RMDN2: variants seen among roughly 807,000 people sequenced by gnomAD.
The protein encoded by RMDN2 is regulator of microtubule dynamics protein 2.
A neutral mutation model predicts 52.8 loss-of-function variants in RMDN2; 61 were observed. The observed-to-expected ratio is 1.16, with a 90% confidence interval of 0.94 to 1.43. The LOEUF (loss-of-function observed/expected upper bound fraction) is 1.43. Among genes scored for constraint, RMDN2 ranks in the 40% most tolerant of loss-of-function variants. The probability of loss-of-function intolerance (pLI) is 0.00; values close to 1 mark genes in which losing one functional copy is unlikely to be tolerated. For missense variants in RMDN2, 592 were observed against 475.3 expected (o/e 1.25, Z -2.28); for synonymous variants, 180 against 153.1 (o/e 1.18, Z -1.30).
chr2:38,060,645 A>T (rs1682008180), intron 10 of RMDN2, among the ~76,000 whole-genome samples: 1 of 152,188 alleles, frequency 6.6e-6, no homozygotes, highest in East Asian at 1.9e-4. Flanking sequence ...CCTGGGATTC[A>T]CAAACATCCA....
chr2:37,965,899 G>A (rs1670977441), intron 2 of RMDN2, among the ~76,000 whole-genome samples: 2 of 152,162 alleles, frequency 1.3e-5, no homozygotes, highest in Admixed American at 1.3e-4. Flanking sequence ...TCAGGTAACA[G>A]GTTTCTCTTT....
Position 38,026,024 on chromosome 2 carries a change from C to T in RMDN2, c.1713+21808C>T, listed in dbSNP as rs149174196. 7.1e-3 allele frequency among the ~76,000 whole-genome samples: 1,074 copies of T among 152,110 alleles called. 8 individuals are homozygous for T. The highest frequency in any genetic ancestry group is 0.025 in the African/African-American group (1,019 of 41,534). On this transcript the variant is annotated intron_variant, in intron 10 of 10. Coordinates refer to the RMDN2 transcript ENST00000234195. ...CTTAAAAACTATGTAGAATTGATAT[C>T]GTTTCTCCCTTAAATGTTTAGTGGA...
chr2:38,061,032 C>A (rs1343438060), intron 10 of RMDN2, among the ~76,000 whole-genome samples: 1 of 152,010 alleles, frequency 6.6e-6, no homozygotes, highest in Non-Finnish European at 1.5e-5. Flanking sequence ...CTTTGGTGCA[C>A]ATAAAATTAA....
At chr2:37,948,071 A>G (rs1668374274) in intron 2 of RMDN2, among the ~76,000 whole-genome samples, 1 of 152,150 alleles carries the variant, frequency 6.6e-6, no homozygotes, top group Non-Finnish European at 1.5e-5. Flanking sequence ...CATGACCCGT[A>G]TGTTCTGGAA....
chr2:37,993,943 C>G (rs904367715), intron 7 of RMDN2, among the ~76,000 whole-genome samples: 1 of 152,166 alleles, frequency 6.6e-6, no homozygotes, highest in Non-Finnish European at 1.5e-5. Flanking sequence ...CATTACCTGT[C>G]TAGACTTAAA....
chr2:38,047,844 C>T (rs1046155306), intron 10 of RMDN2, among the ~76,000 whole-genome samples: 1 of 152,200 alleles, frequency 6.6e-6, no homozygotes, highest in East Asian at 1.9e-4. Flanking sequence ...TCTCTTTTAT[C>T]ATCCCAATCT....
intron 2 of RMDN2, among the ~76,000 whole-genome samples, chr2:37,964,017 C>T (rs7590778): frequency 0.4 from 60,825 of 150,304 alleles, 13,521 homozygotes; most frequent in East Asian, 0.79. Flanking sequence ...CCGGACGGGG[C>T]GGCTGGCCTG....
intron 10 of RMDN2, among the ~76,000 whole-genome samples, chr2:38,031,155 T>A (rs1335888040): frequency 6.6e-6 from 1 of 152,074 alleles, no homozygotes; most frequent in African/African-American, 2.4e-5. Flanking sequence ...TTCATGGGAA[T>A]GGCCTAGTAA....
rs919182445 is a variant in RMDN2, at chr2:37,975,144, A to G, written c.628-68A>G. 123 of 926,746 alleles carry G rather than the reference A, an allele frequency of 1.3e-4. No individual in the cohort carries two copies. In the African/African-American group the frequency reaches 1.9e-3, roughly 15 times the overall value. 57.4% of individuals were successfully genotyped at this position (926,746 alleles called of 1,614,324 possible). On this transcript the variant is annotated intron_variant, in intron 3 of 10. Transcript: ENST00000354545. The stretch of plus-strand genomic sequence containing the variant: ...GCCTAAGTTTTTAAAAAGTTGCAGT[A>G]GAAAACAAGAATAGAATAGACAAGT...
intron 10 of RMDN2, among the ~76,000 whole-genome samples, chr2:38,037,725 T>C (rs1286036321): frequency 6.6e-6 from 1 of 152,238 alleles, no homozygotes; most frequent in Non-Finnish European, 1.5e-5. Flanking sequence ...ATTGGGAGCT[T>C]GAAAGAAATT....
chr2:37,996,786 C>G (rs947867308), intron 7 of RMDN2, among the ~76,000 whole-genome samples: 1 of 151,894 alleles, frequency 6.6e-6, no homozygotes, highest in African/African-American at 2.4e-5. Context: ...AAGAGCAAAA[C>G]TTTTTAGAAG....
intron 10 of RMDN2, among the ~76,000 whole-genome samples, chr2:38,064,402 A>C (rs1321204932): frequency 6.6e-6 from 1 of 151,624 alleles, no homozygotes; most frequent in East Asian, 1.9e-4. Context: ...AGACAGGAGA[A>C]TCACTTGAAC....
chr2:37,944,933 T>C (rs1213851276), intron 2 of RMDN2, among the ~76,000 whole-genome samples: 1 of 152,130 alleles, frequency 6.6e-6, no homozygotes, highest in African/African-American at 2.4e-5. Flanking sequence ...TTTTAAAAAA[T>C]ATCAAGAACA....
chr2:38,022,575 A>G (rs1227958129), downstream of RMDN2, among the ~76,000 whole-genome samples: 3 of 152,230 alleles, frequency 2.0e-5, no homozygotes, highest in Non-Finnish European at 4.4e-5. Flanking sequence ...TGATTTCAGA[A>G]GATAAGAATC....
At position 38,058,704 on chromosome 2, in the gene RMDN2, G is replaced by A. The variant is rs140727994; in HGVS notation, c.1714-8278G>A. ...TTCGTTTTCTGTGTTTCAGAACTGAGGTTATGGGCAGTTTTCTGTTTCAGA... is the reference window on the plus strand; with the variant it reads ...TTCGTTTTCTGTGTTTCAGAACTGAAGTTATGGGCAGTTTTCTGTTTCAGA... On this transcript the variant is annotated intron_variant, in intron 10 of 10. Transcript: ENST00000234195. 8.5e-5 allele frequency among the ~76,000 whole-genome samples: 13 copies of A among 152,274 alleles called. No homozygotes were observed. The East Asian group carries it at 2.1e-3, about 25-fold the overall frequency.
At chr2:38,053,964 G>A (rs1054028967) in intron 10 of RMDN2, among the ~76,000 whole-genome samples, 4 of 152,120 alleles carry the variant, frequency 2.6e-5, no homozygotes, top group South Asian at 4.1e-4. Flanking sequence ...TACCAAGAAC[G>A]ACTCATTGGT....
intron 2 of RMDN2, among the ~76,000 whole-genome samples, chr2:37,929,980 G>T (rs931044205): frequency 1.3e-5 from 2 of 152,212 alleles, no homozygotes; most frequent in African/African-American, 4.8e-5. Context: ...TATTGAGGAA[G>T]GCAGTAATTA....
chr2:37,995,728 A>G (rs77526199), intron 7 of RMDN2, among the ~76,000 whole-genome samples: 19,758 of 152,248 alleles, frequency 0.13, 1,480 homozygotes, highest in Non-Finnish European at 0.17. Context: ...AAAATGGACC[A>G]TATATGAGGC....
intron 8 of RMDN2, among the ~76,000 whole-genome samples, chr2:38,000,459 T>G (rs1676164754): frequency 1.3e-5 from 2 of 152,210 alleles, no homozygotes; most frequent in Admixed American, 1.3e-4. Flanking sequence ...AAGATAGCAT[T>G]TTCATCATCC....
Sources: gnomAD v4.1 joint callset for allele counts (sites outside exome capture counted in the v4.1 genomes callset) on GRCh38, gnomAD v4.1.1 for gene constraint, MANE v1.5 for transcripts, NCBI Gene and HGNC (gene_info 2026-07-23, HGNC 2026-07-21) for gene names.